Variants in ZNF385D observed in about 807,000 individuals in gnomAD.
The protein encoded by ZNF385D is zinc finger protein 385D.
ZNF385D carries 15 observed loss-of-function variants against 35.8 expected under a neutral mutation model. The observed-to-expected ratio is 0.42, with a 90% CI of 0.28 to 0.64. The LOEUF is 0.64. Among genes scored for constraint, ZNF385D ranks in the 30% least tolerant of loss-of-function variants. The probability of loss-of-function intolerance (pLI) is 0.23; values close to 1 mark genes in which losing one functional copy is unlikely to be tolerated. For synonymous variants in ZNF385D, 212 were observed against 186.8 expected (o/e 1.13, Z -1.10); for missense variants, 474 against 494.6 (o/e 0.96, Z 0.39).
Position 22,272,791 on chromosome 3 carries a change from A to G in ZNF385D, c.106+99659T>C, listed in dbSNP as rs74615665. 4.4e-3 allele frequency among the ~76,000 whole-genome samples: 675 copies of G among 152,164 alleles called. 7 individuals are homozygous for G. The highest frequency in any genetic ancestry group is 0.015 in the African/African-American group (642 of 41,560). ...CCAGTAAGCCAAATTGTAGTATCTC[A>G]GACTTATCTTACATATCTGTATCTT... On this transcript the variant is annotated intron_variant, in intron 2 of 5. Transcript: ENST00000494108.
intron 2 of ZNF385D, among the ~76,000 whole-genome samples, chr3:22,180,834 A>G (rs1695196432): frequency 6.6e-6 from 1 of 151,598 alleles, no homozygotes; most frequent in Non-Finnish European, 1.5e-5. Flanking sequence ...ATATCATACT[A>G]TGACTTTTAA....
intron 3 of ZNF385D, among the ~76,000 whole-genome samples, chr3:22,117,547 T>G (rs186338143): frequency 4.0e-5 from 6 of 151,734 alleles, no homozygotes; most frequent in Non-Finnish European, 8.8e-5. Flanking sequence ...AGGAAAGGTA[T>G]CTGAATTCAC....
chr3:21,962,502 C>G (rs1702652372), intron 3 of ZNF385D, among the ~76,000 whole-genome samples: 1 of 152,106 alleles, frequency 6.6e-6, no homozygotes. Flanking sequence ...ACATTATGTT[C>G]ACAAAAAAGG....
At chr3:21,786,000 T>C (rs2071673843) in intron 3 of ZNF385D, among the ~76,000 whole-genome samples, 1 of 148,222 alleles carries the variant, frequency 6.7e-6, no homozygotes, top group African/African-American at 2.5e-5. Flanking sequence ...ATGTGACTTA[T>C]CCCAAGTGCT....
intron 3 of ZNF385D, among the ~76,000 whole-genome samples, chr3:21,875,367 C>A (rs970255146): frequency 1.3e-5 from 2 of 151,952 alleles, no homozygotes; most frequent in African/African-American, 4.8e-5. Context: ...ATCAGTTCTT[C>A]TTTCATTGTT....
In ZNF385D at chr3:21,995,386, C is replaced by T. The variant is rs1373444603; in HGVS notation, c.325+173431G>A. ...TGTCCTCAGGACCCCCGAGTGTGAA[C>T]ATGGGCACAGGCTACAGTGAGTGAG... On this transcript the variant is annotated intron_variant, in intron 3 of 5. Transcript: ENST00000494108. 9.9e-5 allele frequency among the ~76,000 whole-genome samples: 15 copies of T among 152,162 alleles called. 1 individual carries two copies.
At chr3:21,608,053 A>G (rs1575310266) in intron 2 of ZNF385D, among the ~76,000 whole-genome samples, 1 of 58,524 alleles carries the variant, frequency 1.7e-5, no homozygotes, top group East Asian at 7.6e-4. Context: ...GCTGTCGCCC[A>G]GACAGGAGTG....
chr3:22,194,789 T>C (rs1011061909), intron 2 of ZNF385D, among the ~76,000 whole-genome samples: 4 of 151,930 alleles, frequency 2.6e-5, no homozygotes, highest in Non-Finnish European at 5.9e-5. Flanking sequence ...CTCAGGCTGA[T>C]GGTTTTTAGA....
chr3:21,938,946 T>C (rs1346500999), intron 3 of ZNF385D, among the ~76,000 whole-genome samples: 1 of 152,242 alleles, frequency 6.6e-6, no homozygotes, highest in Non-Finnish European at 1.5e-5. Context: ...GTCACTGAAC[T>C]GAACTGTGAA....
At chr3:22,309,663 C>T (rs9809134) in intron 2 of ZNF385D, among the ~76,000 whole-genome samples, 9,548 of 151,934 alleles carry the variant, frequency 0.063, 754 homozygotes, top group African/African-American at 0.19. Context: ...TGGTGACAGT[C>T]GACAATTAAG....
At chr3:21,694,084 C>T (rs1159919893) in intron 1 of ZNF385D, among the ~76,000 whole-genome samples, 1 of 96,604 alleles carries the variant, frequency 1.0e-5, no homozygotes, top group East Asian at 2.8e-4. Context: ...CGCTCTGTCG[C>T]CCAGGCCGGA....
chr3:22,361,872 A>G (rs1696424499), intron 2 of ZNF385D, among the ~76,000 whole-genome samples: 1 of 152,016 alleles, frequency 6.6e-6, no homozygotes, highest in Non-Finnish European at 1.5e-5. Context: ...GGAAGAAACA[A>G]TAATTCCAAC....
chr3:22,075,158 C>A (rs1189614731), intron 3 of ZNF385D, among the ~76,000 whole-genome samples: 1 of 151,894 alleles, frequency 6.6e-6, no homozygotes, highest in Admixed American at 6.6e-5. Flanking sequence ...CAAAAGAATT[C>A]AACGTGATAC....
intron 3 of ZNF385D, among the ~76,000 whole-genome samples, chr3:21,945,047 CATA>C (rs571504459): frequency 2.6e-5 from 4 of 151,860 alleles, no homozygotes; most frequent in East Asian, 1.9e-4. Flanking sequence ...AAATATACAT[CATA>C]ATATTTGTCA....
chr3:22,085,932 A>G (rs1461474423), intron 3 of ZNF385D, among the ~76,000 whole-genome samples: 1 of 152,212 alleles, frequency 6.6e-6, no homozygotes, highest in African/African-American at 2.4e-5. Context: ...TCCATCACAT[A>G]AACACAACCA....
chr3:22,060,927 T>G (rs1267979915), intron 3 of ZNF385D, among the ~76,000 whole-genome samples: 1 of 152,094 alleles, frequency 6.6e-6, no homozygotes, highest in Admixed American at 6.5e-5. Context: ...TTTAAATTGA[T>G]AATAAAGTTA....
intron 3 of ZNF385D, among the ~76,000 whole-genome samples, chr3:21,793,445 T>C (rs2072012017): frequency 6.6e-6 from 1 of 152,256 alleles, no homozygotes; most frequent in Admixed American, 6.5e-5. Context: ...GTATTTGAAA[T>C]GCAGATTCTC....
chr3:22,065,505 G>A (rs761241497), intron 3 of ZNF385D, among the ~76,000 whole-genome samples: 3 of 152,182 alleles, frequency 2.0e-5, no homozygotes, highest in Non-Finnish European at 2.9e-5. Flanking sequence ...TTAGAGTGGG[G>A]CAGAGTTGCC....
intron 3 of ZNF385D, among the ~76,000 whole-genome samples, chr3:22,045,046 T>G (rs544679786): frequency 4.7e-4 from 72 of 152,236 alleles, no homozygotes; most frequent in African/African-American, 1.7e-3. Flanking sequence ...TTTTTGTTTG[T>G]TGATATTTAT....
Sources: allele counts gnomAD v4.1 joint callset (sites outside exome capture counted in the v4.1 genomes callset), GRCh38; gene constraint gnomAD v4.1.1; transcripts MANE v1.5; gene names NCBI Gene and HGNC (gene_info 2026-07-23, HGNC 2026-07-21).